The following TET3 variants were observed in gnomAD, a reference collection of about 807,000 sequenced individuals.
The protein encoded by TET3 is methylcytosine dioxygenase TET3.
Under a neutral mutation model 141.4 loss-of-function variants are expected in TET3, and 19 were observed. The observed-to-expected ratio is 0.13, with a 90% CI of 0.09 to 0.20. The LOEUF (loss-of-function observed/expected upper bound fraction) is 0.20. TET3 is among the 10% of genes least tolerant of loss of function. The pLI, the probability that TET3 is intolerant of heterozygous loss-of-function variation, is 1.00. For synonymous variants in TET3, 1,043 were observed against 980.9 expected (o/e 1.06, Z -1.18); for missense variants, 1,874 against 2,356.9 (o/e 0.80, Z 4.24).
At chr2:74,082,868 C>T (rs961019464) in intron 6 of TET3, among the ~76,000 whole-genome samples, 12 of 152,042 alleles carry the variant, frequency 7.9e-5, no homozygotes, top group African/African-American at 1.9e-4. Flanking sequence ...GGCAGTGTAG[C>T]GTCAGGAGCC....
In TET3 at chr2:73,986,008, C is replaced by G. The variant is rs569887703; in HGVS notation, c.-396C>G. The G allele has an allele frequency of 1.7e-4, 29 of 170,240 alleles. No individual in the cohort carries two copies. Among genetic ancestry groups the G allele is most frequent in the African/African-American group, 6.9e-4 (29 of 42,328 alleles). 10.5% of individuals were successfully genotyped at this position (170,240 alleles called of 1,614,324 possible). On this transcript the variant is annotated 5_prime_UTR_variant, in exon 2 of 12. Coordinates refer to ENST00000409262, the MANE Select transcript of TET3 (RefSeq NM_001287491.2). ...GCACTGCCTTCTCCAGCGTCCAGACCCTGGAGGAAAAATACCAGGAGAAAC... is the reference window on the plus strand; with the variant it reads ...GCACTGCCTTCTCCAGCGTCCAGACGCTGGAGGAAAAATACCAGGAGAAAC...
chr2:73,988,061 T>C (rs1419862354), intron 2 of TET3, among the ~76,000 whole-genome samples: 1 of 152,208 alleles, frequency 6.6e-6, no homozygotes, highest in Non-Finnish European at 1.5e-5. Flanking sequence ...GGGCCCTGTT[T>C]CCCTTGTTTC....
intron 3 of TET3, among the ~76,000 whole-genome samples, chr2:74,038,515 T>C (rs1407120667): frequency 1.3e-5 from 2 of 152,266 alleles, no homozygotes; most frequent in East Asian, 3.9e-4. Context: ...CAGTAAGATG[T>C]GCAGCACTAG....
intron 3 of TET3, 134 bp downstream of exon 3, chr2:74,003,300 G>C (rs1251879306): frequency 2.5e-6 from 3 of 1,178,258 alleles, no homozygotes; most frequent in Non-Finnish European, 3.5e-6. Flanking sequence ...AGCAGCTGAG[G>C]GGGAGGGGCG....
Position 74,105,501 on chromosome 2 carries a change from C to T in TET3, c.*3325C>T, listed in dbSNP as rs917222468. On this transcript the variant is annotated 3_prime_UTR_variant, in exon 12 of 12. Coordinates refer to ENST00000409262, the MANE Select transcript of TET3 (RefSeq NM_001287491.2). ...GTGTTGCATGGATTTGGGGGTCTTT[C>T]GGTTTTTGGTTTTGGGTCTGGCTTT... 4 of 397,864 alleles carry T rather than the reference C, an allele frequency of 1.0e-5. No homozygotes were observed. Among genetic ancestry groups the T allele is most frequent in the Non-Finnish European group, 1.3e-5 (3 of 225,962 alleles). The allele number at this position is 397,864 out of a possible 1,614,324, so 24.6% of individuals were successfully genotyped here. A position where few individuals can be genotyped will look rare whatever the true frequency, so the allele number is the denominator to read the frequency against.
chr2:74,053,670 G>C (rs1345965576), intron 4 of TET3, among the ~76,000 whole-genome samples: 1 of 152,226 alleles, frequency 6.6e-6, no homozygotes, highest in East Asian at 1.9e-4. Context: ...CATGGTGAAA[G>C]TCTGGGTGAG....
chr2:74,123,951 A>G, the TET3 span, among the ~76,000 whole-genome samples: 1 of 136,588 alleles, frequency 7.3e-6, no homozygotes, highest in East Asian at 2.2e-4. Flanking sequence ...CCCGACTGCC[A>G]CCCCATCTGG....
chr2:74,115,393 G>A, the TET3 span, among the ~76,000 whole-genome samples: 1 of 152,130 alleles, frequency 6.6e-6, no homozygotes, highest in African/African-American at 2.4e-5. Context: ...ATATAGAGAG[G>A]TATAACGGAC....
chr2:74,006,238 G>A (rs1385103774), intron 3 of TET3, among the ~76,000 whole-genome samples: 1 of 152,228 alleles, frequency 6.6e-6, no homozygotes, highest in African/African-American at 2.4e-5. Context: ...GGGAAGATAT[G>A]GAAGCAGGTG....
At chr2:74,133,112 C>T in the TET3 span, among the ~76,000 whole-genome samples, 4 of 147,356 alleles carry the variant, frequency 2.7e-5, no homozygotes, top group African/African-American at 1.0e-4. Context: ...CAAGGTTTCA[C>T]CATGTTGGCC....
At chr2:73,996,617 C>G (rs561757537) in intron 2 of TET3, among the ~76,000 whole-genome samples, 1 of 152,216 alleles carries the variant, frequency 6.6e-6, no homozygotes, top group Non-Finnish European at 1.5e-5. Flanking sequence ...GAGCGATTCT[C>G]GTGCCTTAGC....
rs971111434 is a variant in TET3 at position 74,075,320 on chromosome 2, C to CTTT, written c.2585+1706_2585+1708dup. On this transcript the variant is annotated intron_variant, in intron 5 of 11. Coordinates refer to ENST00000409262, the MANE Select transcript of TET3 (RefSeq NM_001287491.2). ...TTTGTCTGACCATGAGAGCCAAATA[C>CTTT]TTTTTTTTTTTTTTTTTTTTTTTTT... is the stretch of plus-strand genomic sequence containing the variant. 7.9e-4 allele frequency among the ~76,000 whole-genome samples: 70 copies of CTTT among 89,118 alleles called. 2 individuals are homozygous for CTTT. Among genetic ancestry groups the CTTT allele is most frequent in the African/African-American group, 1.3e-3 (30 of 23,376 alleles). The allele number at this position is 89,118 out of a possible 152,430, so 58.5% of individuals were successfully genotyped here.
At chr2:74,073,446 G>A (rs1689322406) in intron 4 of TET3, 103 bp from the exon 5 acceptor site, 6 of 785,750 alleles carry the variant, frequency 7.6e-6, no homozygotes, top group Admixed American at 3.0e-5. Context: ...TGGGTTTCCT[G>A]TTTTCTAGCA....
At chr2:74,056,202 C>T (rs993970586) in intron 4 of TET3, among the ~76,000 whole-genome samples, 1 of 152,130 alleles carries the variant, frequency 6.6e-6, no homozygotes, top group African/African-American at 2.4e-5. Flanking sequence ...CCATTGGTTC[C>T]CCACTGGAAA....
At chr2:74,124,279 G>A in the TET3 span, among the ~76,000 whole-genome samples, 3 of 147,728 alleles carry the variant, frequency 2.0e-5, no homozygotes, top group Non-Finnish European at 3.0e-5. Context: ...GTCAGCCCCC[G>A]CCCAGCCAGC....
At chr2:73,983,808 G>C (rs1347577075), upstream of TET3, among the ~76,000 whole-genome samples, 1 of 152,212 alleles carries the variant, frequency 6.6e-6, no homozygotes, top group African/African-American at 2.4e-5. Context: ...GTTTCTGCCA[G>C]GACTCGCCCG....
intron 3 of TET3, among the ~76,000 whole-genome samples, chr2:74,028,809 C>G (rs776992145): frequency 6.6e-6 from 1 of 152,170 alleles, no homozygotes; most frequent in Non-Finnish European, 1.5e-5. Context: ...TGATCATGTG[C>G]TTAGATGCCA....
intron 4 of TET3, among the ~76,000 whole-genome samples, chr2:74,059,862 G>A (rs367993788): frequency 9.2e-5 from 14 of 152,206 alleles, no homozygotes; most frequent in South Asian, 4.2e-4. Context: ...TATCTGCCCC[G>A]TCGTTCATTC....
rs1200705006 is a variant in TET3, at chr2:74,046,716, A to G, written c.799A>G (p.Met267Val). 1 of 1,613,960 alleles carries G rather than the reference A, an allele frequency of 6.2e-7. No individual in the cohort carries two copies. The highest frequency in any genetic ancestry group is 2.2e-5 in the East Asian group (1 of 44,882). ...GGCCCTGGCCCTCGCGCGGCATGGT[A>G]TGAAACCACCCAACTGCAACTGCGA... ...QTALALARHG[M>V]KPPNCNCDGP... Residue 267 changes from methionine (M) to valine (V), a missense_variant, in exon 4 of 12, where the codon ATG (methionine) becomes GTG (valine). Physicochemically the swap from Met to Val is conservative, Grantham distance 21. Around this residue, in one of 10 missense-constraint regions of TET3, gnomAD observed 366 missense variants for 487.0 expected, o/e 0.75. Transcript: ENST00000409262. This position sits in a 1 kb window ranked among gnomAD's most constrained non-coding sequence, Gnocchi z 4.3.
Sources: gnomAD v4.1 joint callset for allele counts (sites outside exome capture counted in the v4.1 genomes callset) on GRCh38, gnomAD v4.1.1 for gene constraint, gnomAD v4.1.1 regional missense constraint, Gnocchi (gnomAD v3.1) non-coding constraint, MANE v1.5 for transcripts, NCBI Gene and HGNC (gene_info 2026-07-23, HGNC 2026-07-21) for gene names.